The following RBFOX1 variants were observed in gnomAD, a reference collection of about 807,000 sequenced individuals.
RBFOX1 encodes the protein RNA binding protein fox-1 homolog 1.
RBFOX1 carries 8 observed loss-of-function variants against 57.7 expected under a neutral mutation model. The ratio of observed to expected loss-of-function variants is 0.14; its 90% CI spans 0.08 to 0.25. RBFOX1 has a LOEUF of 0.25. RBFOX1 is among the 10% of genes least tolerant of loss of function. The pLI, the probability that RBFOX1 is intolerant of heterozygous loss-of-function variation, is 1.00. For synonymous variants in RBFOX1, 326 were observed against 222.4 expected (o/e 1.47, Z -4.15); for missense variants, 611 against 548.5 (o/e 1.11, Z -1.14).
In RBFOX1 at chr16:6,877,580, G is replaced by T. The variant is rs78963492; in HGVS notation, c.-15-174477G>T. 9.0e-3 allele frequency among the ~76,000 whole-genome samples: 1,364 copies of T among 152,230 alleles called. 23 individuals are homozygous for T. The highest frequency in any genetic ancestry group is 0.031 in the African/African-American group (1,298 of 41,540). On this transcript the variant is annotated intron_variant, in intron 3 of 15. Transcript: ENST00000550418. ...TGAATTCACAGCCCCAGAGTCTTGT[G>T]TGTGTGCAACAATAACCGTGTCTTT...
intron 1 of RBFOX1, among the ~76,000 whole-genome samples, chr16:5,396,552 G>T (rs576439118): frequency 9.9e-4 from 151 of 152,294 alleles, no homozygotes; most frequent in Middle Eastern, 6.8e-3. Context: ...TGAGGCACAA[G>T]AATCACTTGA....
chr16:5,618,817 G>A (rs1430700725), intron 3 of RBFOX1, among the ~76,000 whole-genome samples: 2 of 152,192 alleles, frequency 1.3e-5, no homozygotes, highest in African/African-American at 4.8e-5. Flanking sequence ...GCGTTAAAAG[G>A]CAACCTTCAA....
At chr16:6,038,498 C>T (rs536433786) in intron 1 of RBFOX1, 2 of 146,740 alleles carry the variant, frequency 1.4e-5, no homozygotes, top group African/African-American at 5.0e-5. Context: ...TATATGTACA[C>T]TGTACCTCAA....
chr16:6,750,060 GC>G (rs2074618358), intron 3 of RBFOX1, among the ~76,000 whole-genome samples: 1 of 152,204 alleles, frequency 6.6e-6, no homozygotes, highest in South Asian at 2.1e-4. Flanking sequence ...TCAACTAGGG[GC>G]TAACATTAAG....
At chr16:5,683,243 T>C (rs139630065) in intron 3 of RBFOX1, among the ~76,000 whole-genome samples, 4 of 152,216 alleles carry the variant, frequency 2.6e-5, no homozygotes, top group Non-Finnish European at 5.9e-5. Flanking sequence ...CGAAAAATAG[T>C]AATGTGCAGG....
intron 1 of RBFOX1, among the ~76,000 whole-genome samples, chr16:5,408,827 C>G (rs1232181566): frequency 6.6e-6 from 1 of 152,144 alleles, no homozygotes; most frequent in South Asian, 2.1e-4. Context: ...GATTGTGCTA[C>G]CCACTTTTAA....
chr16:6,989,907 G>C (rs570411538), intron 3 of RBFOX1, among the ~76,000 whole-genome samples: 77 of 152,148 alleles, frequency 5.1e-4, no homozygotes, highest in Admixed American at 1.2e-3. Context: ...AGTCTGAGAC[G>C]GGAGAATTGC....
intron 2 of RBFOX1, among the ~76,000 whole-genome samples, chr16:6,544,093 G>C (rs1231512582): frequency 6.6e-6 from 1 of 152,218 alleles, no homozygotes; most frequent in Admixed American, 6.5e-5. Context: ...TGAGCTGTTT[G>C]AGATGGGAGA....
intron 4 of RBFOX1, among the ~76,000 whole-genome samples, chr16:7,241,327 G>C (rs932504024): frequency 2.0e-5 from 3 of 152,144 alleles, no homozygotes; most frequent in Non-Finnish European, 4.4e-5. Context: ...CAAGCAGGAA[G>C]CAGGTCACCT....
intron 4 of RBFOX1, among the ~76,000 whole-genome samples, chr16:7,449,053 C>A (rs546162217): frequency 6.7e-6 from 1 of 150,040 alleles, no homozygotes; most frequent in Admixed American, 6.8e-5. Flanking sequence ...CGTCAGTCTC[C>A]GGAGTAGCTG....
chr16:5,876,037 G>C (rs2057601226), intron 4 of RBFOX1, among the ~76,000 whole-genome samples: 1 of 152,038 alleles, frequency 6.6e-6, no homozygotes. Context: ...TAGAGAAGGG[G>C]TTTCGCCGTG....
chr16:5,933,941 C>A (rs2059119501), intron 4 of RBFOX1, among the ~76,000 whole-genome samples: 1 of 152,092 alleles, frequency 6.6e-6, no homozygotes, highest in Admixed American at 6.6e-5. Context: ...TCCTCTCCCT[C>A]CTCCCACCCT....
At chr16:5,704,570 C>G (rs981044405) in intron 3 of RBFOX1, among the ~76,000 whole-genome samples, 14 of 152,326 alleles carry the variant, frequency 9.2e-5, no homozygotes, top group African/African-American at 3.4e-4. Flanking sequence ...GGAGATAAAT[C>G]ATCCCTGGTT....
At chr16:6,003,935 A>G (rs1451724387) in intron 4 of RBFOX1, among the ~76,000 whole-genome samples, 1 of 152,182 alleles carries the variant, frequency 6.6e-6, no homozygotes, top group Non-Finnish European at 1.5e-5. Context: ...AAGTCTCCTG[A>G]CTTTGAAATG....
At chr16:6,366,794 A>G (rs574869285) in intron 2 of RBFOX1, among the ~76,000 whole-genome samples, 15 of 152,330 alleles carry the variant, frequency 9.8e-5, no homozygotes, top group African/African-American at 3.4e-4. Context: ...AGCAGAGCCA[A>G]AATTAGGCAC....
chr16:7,508,659 C>G (rs1285420612), intron 4 of RBFOX1, among the ~76,000 whole-genome samples: 1 of 152,164 alleles, frequency 6.6e-6, no homozygotes, highest in African/African-American at 2.4e-5. Context: ...TCCAGATTTT[C>G]TTTCCAACCT....
At chr16:7,705,583 G>C (rs964109652) in intron 14 of RBFOX1, among the ~76,000 whole-genome samples, 112 of 152,312 alleles carry the variant, frequency 7.4e-4, no homozygotes, top group African/African-American at 2.6e-3. Flanking sequence ...TTGAAAGAGG[G>C]ACAGAGGCAG....
chr16:6,756,973 C>A (rs1322131655), intron 3 of RBFOX1, among the ~76,000 whole-genome samples: 2 of 123,488 alleles, frequency 1.6e-5, no homozygotes, highest in Non-Finnish European at 3.4e-5. Context: ...GAAACTCCAT[C>A]TCAAACAAAC....
rs78706239 is a variant in RBFOX1, at chr16:6,368,936, C to T, written c.-64+51879C>T. 1.6e-3 allele frequency among the ~76,000 whole-genome samples: 247 copies of T among 152,172 alleles called. 10 individuals are homozygous for T. In the East Asian group the frequency reaches 0.04, roughly 25 times the overall value. On this transcript the variant is annotated intron_variant, in intron 2 of 15. Transcript: ENST00000550418. ...CAGAGCAGTGAAAAATAAACCAGGACGAATCTCACAATTTTAGTGTTGGAA... is the reference window on the plus strand; with the variant it reads ...CAGAGCAGTGAAAAATAAACCAGGATGAATCTCACAATTTTAGTGTTGGAA...
Sources: gnomAD v4.1 joint callset for allele counts (sites outside exome capture counted in the v4.1 genomes callset) on GRCh38, gnomAD v4.1.1 for gene constraint, MANE v1.5 for transcripts, NCBI Gene and HGNC (gene_info 2026-07-23, HGNC 2026-07-21) for gene names.